The following AGFG1 variants were observed in gnomAD, a reference collection of about 807,000 sequenced individuals.
AGFG1 encodes ArfGAP with FG repeats 1, also known as arf-GAP domain and FG repeat-containing protein 1.
In AGFG1, 10 loss-of-function variants were observed where a neutral mutation model predicts 60.6. The observed-to-expected ratio is 0.16, with a 90% confidence interval of 0.10 to 0.28. The LOEUF is 0.28. Among genes scored for constraint, AGFG1 ranks in the 10% least tolerant of loss-of-function variants. The probability of loss-of-function intolerance (pLI) is 1.00; values close to 1 mark genes in which losing one functional copy is unlikely to be tolerated. For synonymous variants in AGFG1, 247 were observed against 242.9 expected (o/e 1.02, Z -0.16); for missense variants, 537 against 676.5 (o/e 0.79, Z 2.29).
At chr2:227,479,164 A>G (rs1691030318) in intron 1 of AGFG1, among the ~76,000 whole-genome samples, 1 of 152,180 alleles carries the variant, frequency 6.6e-6, no homozygotes. Context: ...TAACCAGCAA[A>G]TTGGATAAGA....
intron 1 of AGFG1, among the ~76,000 whole-genome samples, chr2:227,479,369 A>T (rs1028504092): frequency 1.3e-5 from 2 of 152,232 alleles, no homozygotes; most frequent in Non-Finnish European, 2.9e-5. Context: ...TTCAAAGTGG[A>T]TAAAATACAG....
intron 5 of AGFG1, among the ~76,000 whole-genome samples, chr2:227,529,569 T>A (rs574250146): frequency 6.6e-6 from 1 of 152,180 alleles, no homozygotes; most frequent in African/African-American, 2.4e-5. Flanking sequence ...TGTTGCTGGG[T>A]GGGGTCATTA....
intron 1 of AGFG1, among the ~76,000 whole-genome samples, chr2:227,478,738 C>T (rs1690364654): frequency 1.3e-5 from 2 of 152,192 alleles, no homozygotes; most frequent in Admixed American, 1.3e-4. Context: ...TAATATAACC[C>T]AGACTCATGC....
At chr2:227,493,471 T>C (rs1690879421) in intron 2 of AGFG1, among the ~76,000 whole-genome samples, 1 of 152,192 alleles carries the variant, frequency 6.6e-6, no homozygotes, top group African/African-American at 2.4e-5. Context: ...CTTATTGTCA[T>C]GTATGGCAGG....
chr2:227,489,920 A>G (rs1041280724), intron 1 of AGFG1, among the ~76,000 whole-genome samples: 1 of 151,890 alleles, frequency 6.6e-6, no homozygotes, highest in Non-Finnish European at 1.5e-5. Flanking sequence ...GGTTCAAGCA[A>G]TTTTCATGCC....
chr2:227,540,200 T>TC (rs1692446143), intron 10 of AGFG1, among the ~76,000 whole-genome samples: 1 of 151,582 alleles, frequency 6.6e-6, no homozygotes, highest in Non-Finnish European at 1.5e-5. Flanking sequence ...GGCTTTAGTT[T>TC]TTTTTTTTTT....
At chr2:227,478,944 A>G (rs902990066) in intron 1 of AGFG1, among the ~76,000 whole-genome samples, 7 of 152,186 alleles carry the variant, frequency 4.6e-5, no homozygotes, top group African/African-American at 1.7e-4. Context: ...CACTCATGCC[A>G]TTGTTTTACA....
intron 10 of AGFG1, among the ~76,000 whole-genome samples, chr2:227,543,512 C>G (rs1692553408): frequency 1.3e-5 from 2 of 152,160 alleles, no homozygotes; most frequent in Non-Finnish European, 2.9e-5. Context: ...GCACTGTGGT[C>G]TGAGAGACAG....
chr2:227,491,886 T>C (rs1448643500), intron 2 of AGFG1, among the ~76,000 whole-genome samples: 1 of 152,218 alleles, frequency 6.6e-6, no homozygotes, highest in Admixed American at 6.5e-5. Flanking sequence ...GTCTTGAATA[T>C]AAAAGGCGTT....
At chr2:227,480,658 A>G (rs779064686) in intron 1 of AGFG1, among the ~76,000 whole-genome samples, 3 of 151,176 alleles carry the variant, frequency 2.0e-5, no homozygotes, top group Non-Finnish European at 4.4e-5. Context: ...GCTGCTGTCT[A>G]GGCCTGCTGT....
At chr2:227,491,513 ACTAGTAAATTTT>A in intron 1 of AGFG1, 22 bp from the exon 2 acceptor site, 1 of 1,355,434 alleles carries the variant, frequency 7.4e-7, no homozygotes, top group Non-Finnish European at 1.0e-6. Flanking sequence ...TGTGGTATGT[ACTAGTAAATTTT>A]GTAAAATATT....
chr2:227,543,406 T>G (rs1472680000), intron 10 of AGFG1, among the ~76,000 whole-genome samples: 1 of 152,262 alleles, frequency 6.6e-6, no homozygotes, highest in Non-Finnish European at 1.5e-5. Context: ...CTTCATTTCA[T>G]TATTCACCCA....
chr2:227,553,688 G>A lies in AGFG1; in HGVS notation c.1538-16G>A. On this transcript the variant is annotated splice_polypyrimidine_tract_variant and intron_variant, in intron 11 of 12. Transcript: ENST00000310078. Reference sequence around the variant, plus strand: ...TTGAAGGTATGGGTTATAATTGGTGGTTCTATTTTAACAAGGTGCAGGTTT... The same window carrying A: ...TTGAAGGTATGGGTTATAATTGGTGATTCTATTTTAACAAGGTGCAGGTTT... The A allele has an allele frequency of 6.2e-7, 1 of 1,604,900 alleles. No individual in the cohort carries two copies. Among genetic ancestry groups the A allele is most frequent in the Non-Finnish European group, 8.5e-7 (1 of 1,172,032 alleles).
chr2:227,477,226 C>G (rs1690311602), intron 1 of AGFG1, among the ~76,000 whole-genome samples: 1 of 152,034 alleles, frequency 6.6e-6, no homozygotes, highest in African/African-American at 2.4e-5. Context: ...TTGTGAAGGA[C>G]AAATTTTTTA....
chr2:227,551,447 CTGTAACTAACTATT>C (rs1692817715), intron 10 of AGFG1, among the ~76,000 whole-genome samples: 1 of 152,054 alleles, frequency 6.6e-6, no homozygotes, highest in Non-Finnish European at 1.5e-5. Flanking sequence ...AGTGGTCTGC[CTGTAACTAACTATT>C]TGTCCTATAA....
chr2:227,485,765 T>G (rs1364980678), intron 1 of AGFG1, among the ~76,000 whole-genome samples: 2 of 152,214 alleles, frequency 1.3e-5, no homozygotes, highest in African/African-American at 4.8e-5. Context: ...AAATTCTGAT[T>G]TTTAAATTTG....
chr2:227,499,632 T>G (rs1397265224), intron 2 of AGFG1, among the ~76,000 whole-genome samples: 1 of 146,462 alleles, frequency 6.8e-6, no homozygotes, highest in East Asian at 2.0e-4. Context: ...AGAGTGAGAC[T>G]CTGTCTCAAA....
intron 1 of AGFG1, among the ~76,000 whole-genome samples, chr2:227,484,688 G>GTTTTTTTT (rs745570416): frequency 0.011 from 264 of 24,690 alleles, 3 homozygotes; most frequent in East Asian, 0.035. Context: ...TTTTTTTTTT[G>GTTTTTTTT]TTTTTTTTTT....
At chr2:227,547,900 A>C (rs1474704834) in intron 10 of AGFG1, among the ~76,000 whole-genome samples, 1 of 152,244 alleles carries the variant, frequency 6.6e-6, no homozygotes, top group African/African-American at 2.4e-5. Flanking sequence ...ACAAATGTTC[A>C]TACCATCAGT....
Sources: allele counts gnomAD v4.1 joint callset (sites outside exome capture counted in the v4.1 genomes callset), GRCh38; gene constraint gnomAD v4.1.1; transcripts MANE v1.5; gene names NCBI Gene and HGNC (gene_info 2026-07-23, HGNC 2026-07-21).